The following HADHA variants were observed in gnomAD, a reference collection of about 807,000 sequenced individuals.
HADHA encodes the protein trifunctional enzyme subunit alpha, mitochondrial.
HADHA carries 59 observed loss-of-function variants against 91.3 expected under a neutral mutation model. The ratio of observed to expected loss-of-function variants is 0.65; its 90% confidence interval spans 0.52 to 0.80. The LOEUF is 0.80. Ranked by LOEUF, HADHA falls within the 30% of genes least tolerant of loss-of-function variation. HADHA has a pLI of 0.00. For missense variants in HADHA, 800 were observed against 927.6 expected (o/e 0.86, Z 1.79); for synonymous variants, 320 against 338.9 (o/e 0.94, Z 0.61).
chr2:26,230,134 C>G (rs943740300), intron 7 of HADHA, 58 bp downstream of exon 7: 1 of 1,118,838 alleles, frequency 8.9e-7, no homozygotes, highest in Non-Finnish European at 1.4e-6. Flanking sequence ...AAGAGGTTAA[C>G]TCTTTAAGAA....
chr2:26,236,563 C>T (rs1486904687), intron 4 of HADHA, among the ~76,000 whole-genome samples: 1 of 151,698 alleles, frequency 6.6e-6, no homozygotes, highest in Non-Finnish European at 1.5e-5. Context: ...AGATTACAAG[C>T]GTGTGCCACC....
At chr2:26,236,380 C>CTGTGTGTGTG (rs201544302) in intron 4 of HADHA, among the ~76,000 whole-genome samples, 9 of 111,084 alleles carry the variant, frequency 8.1e-5, no homozygotes, top group African/African-American at 1.1e-4. Flanking sequence ...TATATATACT[C>CTGTGTGTGTG]TGTGTGTGTG....
At position 26,238,480 on chromosome 2, in the gene HADHA, G is replaced by A. The variant is rs930655820; in HGVS notation, c.180+454C>T. On this transcript the variant is annotated intron_variant, in intron 3 of 19. Coordinates refer to ENST00000380649, the MANE Select transcript of HADHA (RefSeq NM_000182.5). ...GAACTTGATTTCCAATATGTGAATTGCATTGAGTCATTCAGATCCCTCAGG... is the reference window on the plus strand; with the variant it reads ...GAACTTGATTTCCAATATGTGAATTACATTGAGTCATTCAGATCCCTCAGG... Among the ~76,000 whole-genome samples the A allele has an allele frequency of 2.9e-4, 44 of 152,204 alleles. 1 individual carries two copies. Among genetic ancestry groups the A allele is most frequent in the African/African-American group, 9.6e-4 (40 of 41,456 alleles).
At position 26,239,161 on chromosome 2, in the gene HADHA, T is replaced by A. The variant is rs754071322; in HGVS notation, c.68-18A>T. On this transcript the variant is annotated intron_variant, in intron 1 of 19. Transcript: ENST00000380649. ...TATATAACCTGTAAGAAAAGACATT[T>A]CAAAATTAATTTGCGAAACAATTTC... is the stretch of plus-strand genomic sequence containing the variant. The A allele has an allele frequency of 6.4e-7, 1 of 1,560,414 alleles. No individual in the cohort carries two copies. Among genetic ancestry groups the A allele is most frequent in the Non-Finnish European group, 8.8e-7 (1 of 1,131,460 alleles).
intron 12 of HADHA, among the ~76,000 whole-genome samples, chr2:26,201,909 C>T (rs747987514): frequency 6.6e-6 from 1 of 151,918 alleles, no homozygotes; most frequent in African/African-American, 2.4e-5. Context: ...AATTCTCTGC[C>T]TCAGCCTCCT....
At chr2:26,211,052 G>C (rs993963348) in intron 10 of HADHA, among the ~76,000 whole-genome samples, 5 of 152,150 alleles carry the variant, frequency 3.3e-5, no homozygotes, top group Non-Finnish European at 7.4e-5. Context: ...CTTGATACAG[G>C]ATGTTTTATC....
rs772786562 is a variant in HADHA at position 26,195,083 on chromosome 2, G to C, written c.1620+9C>G. On this transcript the variant is annotated intron_variant, in intron 15 of 19. Transcript: ENST00000380649. ...AAAAACTCTGCAGCTCTGTTATACA[G>C]CCCCTTACCTTAACCACAATGATGA... 107 of 1,608,866 alleles carry C rather than the reference G, an allele frequency of 6.7e-5. No individual in the cohort carries two copies. Among genetic ancestry groups the C allele is most frequent in the Non-Finnish European group, 8.3e-5 (98 of 1,175,436 alleles).
In HADHA at chr2:26,192,384, A is replaced by G. The variant is rs1239489257; in HGVS notation, c.1926T>C (p.Gly642=). 2.5e-6 allele frequency: 4 copies of G among 1,608,348 alleles called. No homozygotes were observed. Among genetic ancestry groups the G allele is most frequent in the Non-Finnish European group, 3.4e-6 (4 of 1,174,950 alleles). Residue 642 remains glycine, a synonymous_variant, in exon 18 of 20, where the codon GGT becomes GGC. Coordinates refer to ENST00000380649, the MANE Select transcript of HADHA (RefSeq NM_000182.5). ...SGKGFYIYQE[G]VKRKDLNSDM... ...CAGAATTCAAATCCTTCCTCTTCAC[A>G]CCCTCCTGATAGATGTAAAAGCCCT...
chr2:26,198,755 A>G (rs924264672), intron 13 of HADHA, among the ~76,000 whole-genome samples: 6 of 152,174 alleles, frequency 3.9e-5, no homozygotes, highest in African/African-American at 1.4e-4. Context: ...ATTTTAGTTA[A>G]TCAAGAGTGG....
At chr2:26,200,294 C>T (rs1669796220) in intron 13 of HADHA, among the ~76,000 whole-genome samples, 1 of 152,162 alleles carries the variant, frequency 6.6e-6, no homozygotes, top group African/African-American at 2.4e-5. Flanking sequence ...GTTTATCCAA[C>T]TGTAGACTAG....
At chr2:26,192,904 G>C (rs928567855) in intron 17 of HADHA, among the ~76,000 whole-genome samples, 2 of 152,180 alleles carry the variant, frequency 1.3e-5, no homozygotes, top group African/African-American at 4.8e-5. Flanking sequence ...AAGATCTTGT[G>C]ACCCGGAGCT....
Position 26,221,306 on chromosome 2 carries a change from T to C in HADHA, c.677-6131A>G, listed in dbSNP as rs750415641. On this transcript the variant is annotated intron_variant, in intron 7 of 19. Transcript: ENST00000380649. This position sits in a 1 kb window ranked among gnomAD's most constrained non-coding sequence, Gnocchi z 4.8. The stretch of plus-strand genomic sequence containing the variant: ...GTCTGGAGTCTTTAATAGATCTCTA[T>C]TAGGTGAATCACAACACAGACCCTT... Among the ~76,000 whole-genome samples, 168 of 152,246 alleles carry C rather than the reference T, an allele frequency of 1.1e-3. 1 individual carries two copies. Among genetic ancestry groups the C allele is most frequent in the Admixed American group, 3.7e-3 (57 of 15,292 alleles).
chr2:26,195,634 G>A (rs140458900), intron 14 of HADHA, among the ~76,000 whole-genome samples: 2 of 152,196 alleles, frequency 1.3e-5, no homozygotes, highest in East Asian at 3.9e-4. Flanking sequence ...AATGTGTTGG[G>A]CTGTCAGAGA....
At chr2:26,225,690 T>A (rs2147777059) in intron 7 of HADHA, among the ~76,000 whole-genome samples, 1 of 152,300 alleles carries the variant, frequency 6.6e-6, no homozygotes, top group East Asian at 1.9e-4. Flanking sequence ...CAAAATTCAA[T>A]ACTCATTCTC....
In HADHA at chr2:26,191,571, G is replaced by T. The variant is rs1371372488; in HGVS notation, c.2058C>A (p.Val686=). The change falls in exon 19 of 20, where the codon GTC becomes GTA. Residue 686 remains valine (V), a synonymous_variant. Transcript: ENST00000380649. ...RLVTRFVNEA[V]MCLQEGILAT... ...CCAAGATCCCCTCTTGCAGGCACATGACTGCCTCATTCACAAATCTTGTCA... is the reference window on the plus strand; with the variant it reads ...CCAAGATCCCCTCTTGCAGGCACATTACTGCCTCATTCACAAATCTTGTCA... 1 of 1,614,064 alleles carries T rather than the reference G, an allele frequency of 6.2e-7. No individual in the cohort carries two copies. Among genetic ancestry groups the T allele is most frequent in the South Asian group, 1.1e-5 (1 of 91,080 alleles).
chr2:26,212,724 G>GT (rs1670132699), intron 9 of HADHA, 98 bp from the exon 10 acceptor site: 2 of 832,404 alleles, frequency 2.4e-6, no homozygotes, highest in Admixed American at 3.4e-5. Context: ...TCCTCAAAGA[G>GT]TAAGTCAAAA....
Position 26,190,805 on chromosome 2 carries a change from C to G in HADHA, c.*445G>C, listed in dbSNP as rs568379363. 3.3e-5 allele frequency: 9 copies of G among 273,812 alleles called. No homozygotes were observed. Among genetic ancestry groups the G allele is most frequent in the African/African-American group, 2.0e-4 (9 of 45,410 alleles). 17.0% of individuals were successfully genotyped at this position (273,812 alleles called of 1,614,324 possible). A position where few individuals can be genotyped will look rare whatever the true frequency, so the allele number is the denominator to read the frequency against. On this transcript the variant is annotated 3_prime_UTR_variant, in exon 20 of 20. Transcript: ENST00000380649. ...TTCTGCACACACATTCTTACTCCCCCAAAGCACAGGGCTTTCTTCCAGATT... is the reference window on the plus strand; with the variant it reads ...TTCTGCACACACATTCTTACTCCCCGAAAGCACAGGGCTTTCTTCCAGATT...
chr2:26,196,073 T>C (rs1175224418), intron 14 of HADHA, among the ~76,000 whole-genome samples: 2 of 152,272 alleles, frequency 1.3e-5, no homozygotes, highest in Non-Finnish European at 2.9e-5. Flanking sequence ...ATTATCTACC[T>C]GCTCTTCAAT....
intron 7 of HADHA, among the ~76,000 whole-genome samples, chr2:26,227,193 G>A (rs1218521608): frequency 6.6e-6 from 1 of 152,030 alleles, no homozygotes; most frequent in East Asian, 1.9e-4. Context: ...TGGTAATTAG[G>A]GTAATATAAA....
Sources: gnomAD v4.1 joint callset for allele counts (sites outside exome capture counted in the v4.1 genomes callset) on GRCh38, gnomAD v4.1.1 for gene constraint, Gnocchi (gnomAD v3.1) non-coding constraint, MANE v1.5 for transcripts, NCBI Gene and HGNC (gene_info 2026-07-23, HGNC 2026-07-21) for gene names.